CCSER1: variants seen among roughly 807,000 people sequenced by gnomAD.
CCSER1 encodes the protein serine-rich coiled-coil domain-containing protein 1.
Under a neutral mutation model 82.0 loss-of-function variants are expected in CCSER1, and 41 were observed. That is an observed-to-expected ratio of 0.50 (90% CI 0.39 to 0.65). The LOEUF (loss-of-function observed/expected upper bound fraction) is 0.65. CCSER1 is among the 30% of genes least tolerant of loss of function. The pLI is 0.00. For missense variants in CCSER1, 1,119 were observed against 1,064.2 expected, an observed-to-expected ratio of 1.05 and a Z score of -0.72; for synonymous variants, 414 against 383.9, an observed-to-expected ratio of 1.08 and a Z score of -0.92.
chr4:91,311,383 A>G (rs540575393), intron 10 of CCSER1, among the ~76,000 whole-genome samples: 3 of 151,950 alleles, frequency 2.0e-5, no homozygotes, highest in Non-Finnish European at 4.4e-5. Context: ...CCAGAAAAGT[A>G]CTAGAGACTT....
chr4:90,309,719 C>A, intron 2 of CCSER1, 111 bp downstream of exon 2: 1 of 812,550 alleles, frequency 1.2e-6, no homozygotes, highest in Non-Finnish European at 1.8e-6. Context: ...TTGTTTTTCA[C>A]TTTCGAAATG....
rs542912772 is a variant in CCSER1 at position 91,416,781 on chromosome 4, G to A, written c.2218-181791G>A. Among the ~76,000 whole-genome samples, 101 of 152,204 alleles carry A rather than the reference G, an allele frequency of 6.6e-4. 3 individuals carry two copies. The highest frequency in any genetic ancestry group is 6.2e-4 in the South Asian group (3 of 4,818). The stretch of plus-strand genomic sequence containing the variant: ...AGAAAATCTAGGCAATACCATTCAG[G>A]ACATAGGCACTGGCAAAGATTTCAT... On this transcript the variant is annotated intron_variant, in intron 10 of 10. Transcript: ENST00000509176.
chr4:90,853,130 G>A, intron 8 of CCSER1, among the ~76,000 whole-genome samples: 1 of 152,064 alleles, frequency 6.6e-6, no homozygotes, highest in Non-Finnish European at 1.5e-5. Flanking sequence ...ATATAAAGAT[G>A]TAGAGTCCTT....
At position 91,546,510 on chromosome 4, in the gene CCSER1, A is replaced by T. The variant is rs138747008; in HGVS notation, c.2218-52062A>T. On this transcript the variant is annotated intron_variant, in intron 10 of 10. Transcript: ENST00000509176. Reference sequence around the variant, plus strand: ...TTAATTGATCCATTTCATCCAGGTTATCAAATATGTAGGCACAGAATTTGC... The same window carrying T: ...TTAATTGATCCATTTCATCCAGGTTTTCAAATATGTAGGCACAGAATTTGC... 5.3e-3 allele frequency among the ~76,000 whole-genome samples: 814 copies of T among 152,256 alleles called. 7 individuals are homozygous for T. Among genetic ancestry groups the T allele is most frequent in the African/African-American group, 0.019 (780 of 41,564 alleles).
At chr4:90,162,822 AT>A (rs1729711627) in intron 1 of CCSER1, among the ~76,000 whole-genome samples, 1 of 152,144 alleles carries the variant, frequency 6.6e-6, no homozygotes, top group Non-Finnish European at 1.5e-5. Flanking sequence ...AAGTTACAAT[AT>A]TCAGTACTTG....
At chr4:90,224,417 A>T (rs758556494) in intron 1 of CCSER1, among the ~76,000 whole-genome samples, 1 of 152,228 alleles carries the variant, frequency 6.6e-6, no homozygotes, top group Non-Finnish European at 1.5e-5. Context: ...TTGTACAATG[A>T]AAATAGGCTT....
intron 6 of CCSER1, among the ~76,000 whole-genome samples, chr4:90,716,923 A>G (rs1741747092): frequency 6.6e-6 from 1 of 152,194 alleles, no homozygotes; most frequent in African/African-American, 2.4e-5. Context: ...TTATCAATAT[A>G]CCAAAGATTC....
At chr4:91,408,636 T>C (rs1349930553) in intron 10 of CCSER1, among the ~76,000 whole-genome samples, 1 of 152,188 alleles carries the variant, frequency 6.6e-6, no homozygotes, top group African/African-American at 2.4e-5. Flanking sequence ...ATTTCTCTTG[T>C]TGTTGTTGGC....
intron 5 of CCSER1, among the ~76,000 whole-genome samples, chr4:90,496,114 A>G (rs1768957349): frequency 1.3e-5 from 2 of 152,218 alleles, no homozygotes; most frequent in Admixed American, 1.3e-4. Context: ...TTATTAATAG[A>G]TAACATTGGT....
chr4:91,093,903 C>T (rs1724231873), intron 10 of CCSER1, among the ~76,000 whole-genome samples: 2 of 152,322 alleles, frequency 1.3e-5, no homozygotes, highest in South Asian at 4.1e-4. Context: ...CTGCAAAACC[C>T]CACAGATCCT....
chr4:90,781,569 T>TA (rs1225256383), intron 7 of CCSER1: 1 of 977,428 alleles, frequency 1.0e-6, no homozygotes, highest in Non-Finnish European at 1.2e-6. Flanking sequence ...ATAAATGAGT[T>TA]AAATTGTTGT....
chr4:91,062,703 A>C (rs1207235902), intron 9 of CCSER1, among the ~76,000 whole-genome samples: 4 of 152,126 alleles, frequency 2.6e-5, no homozygotes, highest in African/African-American at 9.6e-5. Flanking sequence ...CCATTTGTTT[A>C]TGGAAGAGCA....
intron 10 of CCSER1, among the ~76,000 whole-genome samples, chr4:91,352,317 G>A (rs552546971): frequency 3.3e-5 from 5 of 152,204 alleles, no homozygotes; most frequent in South Asian, 2.1e-4. Flanking sequence ...CGCGATCTCC[G>A]CTCGCTACAA....
At chr4:91,203,427 T>C (rs1581764572) in intron 10 of CCSER1, among the ~76,000 whole-genome samples, 1 of 152,098 alleles carries the variant, frequency 6.6e-6, no homozygotes, top group Non-Finnish European at 1.5e-5. Context: ...AATACTACTC[T>C]TCTGTTCCAG....
intron 4 of CCSER1, among the ~76,000 whole-genome samples, chr4:90,458,802 G>A (rs990503313): frequency 6.6e-6 from 1 of 152,232 alleles, no homozygotes; most frequent in Admixed American, 6.5e-5. Flanking sequence ...ATTTTTGTCA[G>A]TGATGAAGGA....
intron 10 of CCSER1, among the ~76,000 whole-genome samples, chr4:91,177,118 T>G (rs569833759): frequency 6.6e-6 from 1 of 152,170 alleles, no homozygotes; most frequent in South Asian, 2.1e-4. Flanking sequence ...TGATGGATTA[T>G]GTTTATTGAT....
At chr4:90,409,957 C>CA (rs1256616923) in intron 4 of CCSER1, among the ~76,000 whole-genome samples, 1 of 151,452 alleles carries the variant, frequency 6.6e-6, no homozygotes, top group African/African-American at 2.4e-5. Context: ...AAATGGAAAA[C>CA]AAAAAAAGGC....
At chr4:91,384,272 T>C (rs555921154) in intron 10 of CCSER1, among the ~76,000 whole-genome samples, 3 of 152,118 alleles carry the variant, frequency 2.0e-5, no homozygotes, top group African/African-American at 7.2e-5. Context: ...GAATCCATGG[T>C]TGACAAAAAT....
At chr4:91,187,954 T>C (rs1038056790) in intron 10 of CCSER1, among the ~76,000 whole-genome samples, 1 of 152,140 alleles carries the variant, frequency 6.6e-6, no homozygotes, top group Non-Finnish European at 1.5e-5. Flanking sequence ...GAAGTTTTTT[T>C]TTGTTAAATG....
Sources: allele counts gnomAD v4.1 joint callset (sites outside exome capture counted in the v4.1 genomes callset), GRCh38; gene constraint gnomAD v4.1.1; transcripts MANE v1.5; gene names NCBI Gene and HGNC (gene_info 2026-07-23, HGNC 2026-07-21).